Variants in BCORL1 observed in about 807,000 individuals in gnomAD.
The protein encoded by BCORL1 is BCL-6 corepressor-like protein 1.
A neutral mutation model predicts 87.6 loss-of-function variants in BCORL1; 7 were observed. The ratio of observed to expected loss-of-function variants is 0.08; its 90% CI spans 0.05 to 0.15. BCORL1 has a LOEUF of 0.15. Ranked by LOEUF, BCORL1 falls within the 10% of genes least tolerant of loss-of-function variation. The pLI is 1.00. For missense variants in BCORL1, 1,215 were observed against 1,499.7 expected (o/e 0.81, Z 3.13); for synonymous variants, 591 against 634.4 (o/e 0.93, Z 1.03).
At chrX:130,020,885 T>C in intron 4 of BCORL1, 100 bp from the exon 5 acceptor site, 1 of 949,663 alleles carries the variant, frequency 1.1e-6, no homozygotes, top group Non-Finnish European at 1.4e-6. Context: ...TCTGGGCAGC[T>C]CATGCCTCTA....
intron 1 of BCORL1, among the ~76,000 whole-genome samples, chrX:129,995,636 C>T (rs971410747): frequency 1.3e-4 from 14 of 110,243 alleles, no homozygotes; most frequent in Non-Finnish European, 1.9e-5. Context: ...GATGGGGTTT[C>T]GGCATGTTGG....
chrX:130,014,509 C>T lies in BCORL1; in HGVS notation c.1737C>T (p.His579=), dbSNP rs1929250746. 1 of 1,211,681 alleles carries T rather than the reference C, an allele frequency of 8.3e-7. No homozygotes were observed. Among genetic ancestry groups the T allele is most frequent in the African/African-American group, 1.7e-5 (1 of 57,763 alleles). ...CCAGTGGGAGCTCAGCCCCACCGCA[C>T]CCCGCCAAGATGCCCAGTGGCACCG... ...PAPSGSSAPP[H]PAKMPSGTEQ... The change falls in exon 4 of 14, where the codon CAC becomes CAT. Residue 579 remains histidine, a synonymous_variant. Transcript: ENST00000540052.
At chrX:129,983,089 G>T (rs916395443) in intron 1 of BCORL1, among the ~76,000 whole-genome samples, 15 of 110,947 alleles carry the variant, frequency 1.4e-4, no homozygotes, top group Non-Finnish European at 1.3e-4. Flanking sequence ...AGCTGGGTAT[G>T]TCTTCGCCCC....
chrX:130,040,334 T>G (rs760604138), intron 11 of BCORL1, among the ~76,000 whole-genome samples: 1 of 112,077 alleles, frequency 8.9e-6, no homozygotes, highest in African/African-American at 3.2e-5. Flanking sequence ...CCAACAAAGG[T>G]TAACTAAGTA....
intron 6 of BCORL1, among the ~76,000 whole-genome samples, chrX:130,023,806 T>C (rs1033562645): frequency 1.8e-5 from 2 of 112,783 alleles, no homozygotes; most frequent in African/African-American, 6.4e-5. Flanking sequence ...GGTGATCCCT[T>C]TGTGATCTCT....
At chrX:130,035,050 C>T (rs957088114) in intron 9 of BCORL1, among the ~76,000 whole-genome samples, 5 of 111,188 alleles carry the variant, frequency 4.5e-5, no homozygotes, top group African/African-American at 9.8e-5. Flanking sequence ...TTTCGCCTCT[C>T]GCAGAGGGGC....
intron 8 of BCORL1, among the ~76,000 whole-genome samples, chrX:130,030,999 G>A (rs777989937): frequency 8.9e-5 from 10 of 112,882 alleles, no homozygotes; most frequent in Non-Finnish European, 1.7e-4. Context: ...CACTGAAAGC[G>A]GGGCACTGGC....
At chrX:130,024,787 G>C (rs1457159213) in intron 6 of BCORL1, among the ~76,000 whole-genome samples, 2 of 111,567 alleles carry the variant, frequency 1.8e-5, no homozygotes, top group African/African-American at 3.3e-5. Flanking sequence ...AGCCCTGTGA[G>C]GTCAGTAAGG....
At chrX:130,009,652 C>T (rs781729261) in intron 2 of BCORL1, among the ~76,000 whole-genome samples, 9 of 109,714 alleles carry the variant, frequency 8.2e-5, no homozygotes, top group Admixed American at 4.8e-4. Flanking sequence ...GAAGAGGGTC[C>T]GGTTTGACAG....
intron 7 of BCORL1, among the ~76,000 whole-genome samples, chrX:130,025,914 G>A (rs977936111): frequency 4.5e-5 from 5 of 111,379 alleles, no homozygotes; most frequent in East Asian, 2.8e-4. Flanking sequence ...ATTCAGAGGC[G>A]GAGTGAAGCT....
chrX:130,025,352 G>C lies in BCORL1; in HGVS notation c.4051G>C (p.Asp1351His). The change falls in exon 7 of 14, where the codon GAC becomes CAC. Residue 1351 changes from aspartate to histidine, a missense_variant. This residue lies in a region of BCORL1 where 166 missense variants were observed against 196.5 expected (regional missense o/e 0.84). Coordinates refer to ENST00000540052, the MANE Select transcript of BCORL1 (RefSeq NM_001379451.1). ...QTGEYLTEQE[D>H]EQRRKGRADL... Reference sequence around the variant, plus strand: ...TGGGGAGTACCTGACAGAGCAAGAAGACGAGCAGCGGCGGAAAGGGAGAGC... The same window carrying C: ...TGGGGAGTACCTGACAGAGCAAGAACACGAGCAGCGGCGGAAAGGGAGAGC... 1 of 1,153,935 alleles carries C rather than the reference G, an allele frequency of 8.7e-7. No homozygotes were observed. The highest frequency in any genetic ancestry group is 1.2e-6 in the Non-Finnish European group (1 of 868,537).
intron 8 of BCORL1, among the ~76,000 whole-genome samples, chrX:130,029,730 A>C (rs1428117970): frequency 9.3e-6 from 1 of 107,629 alleles, no homozygotes; most frequent in African/African-American, 3.4e-5. Flanking sequence ...GGCTCACTGT[A>C]ACCTCCGCCT....
intron 4 of BCORL1, 141 bp downstream of exon 4, chrX:130,016,354 T>C: frequency 1.2e-6 from 1 of 817,167 alleles, no homozygotes; most frequent in Non-Finnish European, 1.7e-6. Context: ...TGGAAGGCTT[T>C]TGTAAAAGTA....
At chrX:129,981,771 G>A (rs767919252), upstream of BCORL1, 1 of 107,761 alleles carries the variant, frequency 9.3e-6, no homozygotes, top group East Asian at 2.9e-4. Flanking sequence ...GCAACGCTAA[G>A]AAGGGGATAC....
rs772509421 is a variant in BCORL1 at position 130,015,606 on chromosome X, G to T, written c.2834G>T (p.Arg945Leu). The T allele has an allele frequency of 1.2e-5, 15 of 1,210,625 alleles. No homozygotes were observed. The South Asian group carries it at 2.6e-4, about 21-fold the overall frequency. ...GTTCAGCCTAGCGGTGGGGACATTCGAATGAATCAGGGGCCTGAGGAATCA... is the reference window on the plus strand; with the variant it reads ...GTTCAGCCTAGCGGTGGGGACATTCTAATGAATCAGGGGCCTGAGGAATCA... Reference protein sequence around the residue: ...LSVQPSGGDIRMNQGPEESES... With the variant: ...LSVQPSGGDILMNQGPEESES... Residue 945 changes from arginine to leucine, a missense_variant, in exon 4 of 14, where the codon CGA (arginine) becomes CTA (leucine). Transcript: ENST00000540052.
intron 7 of BCORL1, among the ~76,000 whole-genome samples, chrX:130,027,973 T>C (rs1228911731): frequency 8.9e-6 from 1 of 112,456 alleles, no homozygotes; most frequent in East Asian, 2.8e-4. Context: ...TTCAGCAAGC[T>C]GTGGCTAAAT....
intron 1 of BCORL1, among the ~76,000 whole-genome samples, chrX:129,985,562 G>A (rs1247734975): frequency 1.8e-5 from 2 of 111,977 alleles, no homozygotes; most frequent in African/African-American, 6.5e-5. Context: ...TTTCGATGGA[G>A]GCGAAAAGTT....
chrX:130,000,896 TTG>T (rs61288678), intron 1 of BCORL1, among the ~76,000 whole-genome samples: 1,969 of 97,826 alleles, frequency 0.02, 55 homozygotes, highest in African/African-American at 0.065. Context: ...GGTGGATGCT[TTG>T]TGTGTGTGTG....
chrX:130,048,364 G>A lies in BCORL1; in HGVS notation c.4841-2353G>A, dbSNP rs554666957. Among the ~76,000 whole-genome samples the A allele has an allele frequency of 6.3e-5, 7 of 111,918 alleles. No homozygotes were observed. The South Asian group carries it at 1.1e-3, about 18-fold the overall frequency. On this transcript the variant is annotated intron_variant, in intron 11 of 13. Transcript: ENST00000540052. Reference sequence around the variant, plus strand: ...GTGCCCTTTGGACTGTCTCCTGTCCGGTTGCCTAGCTGTCACCTGAGGGCT... The same window carrying A: ...GTGCCCTTTGGACTGTCTCCTGTCCAGTTGCCTAGCTGTCACCTGAGGGCT...
Sources: gnomAD v4.1 joint callset for allele counts (sites outside exome capture counted in the v4.1 genomes callset) on GRCh38, gnomAD v4.1.1 for gene constraint, gnomAD v4.1.1 regional missense constraint, MANE v1.5 for transcripts, NCBI Gene and HGNC (gene_info 2026-07-23, HGNC 2026-07-21) for gene names.